SLC35F1: variants seen among roughly 807,000 people sequenced by gnomAD.
The protein encoded by SLC35F1 is solute carrier family 35 member F1.
Under a neutral mutation model 48.7 loss-of-function variants are expected in SLC35F1, and 14 were observed. The observed-to-expected ratio is 0.29, with a 90% CI of 0.19 to 0.45. SLC35F1 has a LOEUF of 0.45. Among genes scored for constraint, SLC35F1 ranks in the 20% least tolerant of loss-of-function variants. The pLI, the probability that SLC35F1 is intolerant of heterozygous loss-of-function variation, is 1.00. For synonymous variants in SLC35F1, 190 were observed against 202.2 expected (o/e 0.94, Z 0.51); for missense variants, 404 against 500.0 (o/e 0.81, Z 1.83).
chr6:118,277,327 A>G (rs1775930185), intron 5 of SLC35F1, among the ~76,000 whole-genome samples, 167 bp from the exon 6 acceptor site: 1 of 152,068 alleles, frequency 6.6e-6, no homozygotes. Context: ...GATAAACTGC[A>G]CTCTGCCTAA....
chr6:117,925,738 A>G (rs978725686), intron 1 of SLC35F1, among the ~76,000 whole-genome samples: 2 of 152,066 alleles, frequency 1.3e-5, no homozygotes, highest in Non-Finnish European at 2.9e-5. Flanking sequence ...TGTGATGTGC[A>G]GGGTGGTTTG....
At chr6:117,931,463 G>A (rs1562241510) in intron 1 of SLC35F1, among the ~76,000 whole-genome samples, 1 of 152,104 alleles carries the variant, frequency 6.6e-6, no homozygotes, top group Admixed American at 6.5e-5. Context: ...TGTGAATGTG[G>A]CCCATTTCTC....
chr6:118,281,915 A>G (rs920527074), intron 6 of SLC35F1, among the ~76,000 whole-genome samples: 3 of 152,226 alleles, frequency 2.0e-5, no homozygotes, highest in African/African-American at 7.2e-5. Context: ...TAATTACTGT[A>G]CATAAAGTAC....
chr6:118,083,968 T>C (rs188554552), intron 1 of SLC35F1, among the ~76,000 whole-genome samples: 12 of 152,370 alleles, frequency 7.9e-5, no homozygotes, highest in Non-Finnish European at 1.8e-4. Context: ...AGTAACACTT[T>C]AGAATTAGTT....
intron 2 of SLC35F1, among the ~76,000 whole-genome samples, chr6:118,182,545 A>AAGGAAGGAAGGAAGGAAGGG (rs1774596468): frequency 6.7e-6 from 1 of 148,994 alleles, no homozygotes; most frequent in South Asian, 2.2e-4. Flanking sequence ...GGAAGGAAGG[A>AAGGAAGGAAGGAAGGAAGGG]AGGAAGGAAG....
intron 7 of SLC35F1, among the ~76,000 whole-genome samples, chr6:118,294,731 A>G (rs1328218091): frequency 6.6e-6 from 1 of 152,168 alleles, no homozygotes; most frequent in Non-Finnish European, 1.5e-5. Flanking sequence ...GCCACAGACC[A>G]TCCTGTTTGA....
chr6:118,184,413 A>G (rs2114514608), intron 2 of SLC35F1, among the ~76,000 whole-genome samples: 1 of 152,316 alleles, frequency 6.6e-6, no homozygotes, highest in Non-Finnish European at 1.5e-5. Flanking sequence ...GGAGTAACAC[A>G]CTAAGTGAAA....
At chr6:118,309,062 G>A (rs1776343211) in intron 7 of SLC35F1, among the ~76,000 whole-genome samples, 1 of 152,124 alleles carries the variant, frequency 6.6e-6, no homozygotes, top group Non-Finnish European at 1.5e-5. Context: ...GCCATCAGGG[G>A]CAGTGTTCTC....
intron 1 of SLC35F1, among the ~76,000 whole-genome samples, chr6:117,940,466 A>G (rs547731109): frequency 6.6e-6 from 1 of 152,296 alleles, no homozygotes; most frequent in African/African-American, 2.4e-5. Flanking sequence ...TAGAACTACC[A>G]TGTGATCCAG....
At chr6:117,946,879 A>G (rs1776302163) in intron 1 of SLC35F1, among the ~76,000 whole-genome samples, 1 of 152,174 alleles carries the variant, frequency 6.6e-6, no homozygotes, top group Non-Finnish European at 1.5e-5. Flanking sequence ...TGTTAATTTT[A>G]CTGGTTCATG....
At chr6:118,066,368 G>A (rs4358661) in intron 1 of SLC35F1, among the ~76,000 whole-genome samples, 30 of 152,268 alleles carry the variant, frequency 2.0e-4, no homozygotes, top group African/African-American at 6.7e-4. Context: ...AGGAGTTTCA[G>A]GTGACCTCTA....
At chr6:118,118,076 A>G (rs1287080028) in intron 1 of SLC35F1, among the ~76,000 whole-genome samples, 1 of 152,072 alleles carries the variant, frequency 6.6e-6, no homozygotes, top group Non-Finnish European at 1.5e-5. Flanking sequence ...ATCTGTTTTC[A>G]TTCCTATCTA....
chr6:118,022,660 G>A (rs1026412171), intron 1 of SLC35F1, among the ~76,000 whole-genome samples: 3 of 152,090 alleles, frequency 2.0e-5, no homozygotes, highest in African/African-American at 7.2e-5. Context: ...ACAGGACACT[G>A]GGAAACTGGA....
intron 5 of SLC35F1, 49 bp from the exon 6 acceptor site, chr6:118,277,445 G>C: frequency 6.8e-7 from 1 of 1,473,012 alleles, no homozygotes; most frequent in Admixed American, 1.7e-5. Context: ...AAAGAAAGTA[G>C]AGTGCATTCT....
intron 3 of SLC35F1, among the ~76,000 whole-genome samples, chr6:118,242,080 T>C (rs564028113): frequency 3.9e-4 from 59 of 152,224 alleles, no homozygotes; most frequent in Non-Finnish European, 5.0e-4. Flanking sequence ...TTCTCTGGGA[T>C]AAATGTGCAA....
chr6:118,239,403 C>A (rs139744254), intron 3 of SLC35F1, among the ~76,000 whole-genome samples: 3 of 151,544 alleles, frequency 2.0e-5, no homozygotes, highest in East Asian at 3.9e-4. Context: ...AGCTTCACAC[C>A]AAAACTGGAC....
intron 6 of SLC35F1, among the ~76,000 whole-genome samples, chr6:118,284,693 A>G (rs1776028891): frequency 6.6e-6 from 1 of 152,238 alleles, no homozygotes; most frequent in African/African-American, 2.4e-5. Context: ...ATTCTAATTC[A>G]GTATTCTAAG....
At chr6:118,156,710 T>C (rs1317230587) in intron 2 of SLC35F1, among the ~76,000 whole-genome samples, 1 of 80,774 alleles carries the variant, frequency 1.2e-5, no homozygotes, top group Non-Finnish European at 3.2e-5. Context: ...AAGAAATACA[T>C]TGGTTTGGTC....
At chr6:118,233,559 A>C (rs938962719) in intron 2 of SLC35F1, among the ~76,000 whole-genome samples, 8 of 152,134 alleles carry the variant, frequency 5.3e-5, no homozygotes, top group Non-Finnish European at 8.8e-5. Flanking sequence ...CAATTCATTG[A>C]TTCATTCACT....
Sources: gnomAD v4.1 joint callset for allele counts (sites outside exome capture counted in the v4.1 genomes callset) on GRCh38, gnomAD v4.1.1 for gene constraint, MANE v1.5 for transcripts, NCBI Gene and HGNC (gene_info 2026-07-23, HGNC 2026-07-21) for gene names.